SRRM1: variants seen among roughly 807,000 people sequenced by gnomAD.
The protein encoded by SRRM1 is serine and arginine repetitive matrix 1.
In SRRM1, 19 loss-of-function variants were observed where a neutral mutation model predicts 110.2. The ratio of observed to expected loss-of-function variants is 0.17; its 90% CI spans 0.12 to 0.25. The LOEUF is 0.25. Ranked by LOEUF, SRRM1 falls within the 10% of genes least tolerant of loss-of-function variation. The pLI, the probability that SRRM1 is intolerant of heterozygous loss-of-function variation, is 1.00. For missense variants in SRRM1, 918 were observed against 1,145.8 expected, an observed-to-expected ratio of 0.80 and a Z score of 2.87; for synonymous variants, 443 against 414.9, an observed-to-expected ratio of 1.07 and a Z score of -0.82.
Position 24,654,948 on chromosome 1 carries a change from A to G in SRRM1, c.1134A>G (p.Thr378=), listed in dbSNP as rs56097146. 44,118 of 1,614,178 alleles carry G rather than the reference A, an allele frequency of 0.027. 800 individuals are homozygous for G. Among genetic ancestry groups the G allele is most frequent in the Middle Eastern group, 0.094 (567 of 6,062 alleles). The change falls in exon 9 of 17, where the codon ACA becomes ACG. Residue 378 remains threonine (T), a synonymous_variant. Transcript: ENST00000323848. ...CACCAAAGAAGCCTCCCAAGAGGAC[A>G]TCCAGCCCCCCTCGGAAAACTCGTA... ...RSPPKKPPKR[T]SSPPRKTRRL...
intron 11 of SRRM1, among the ~76,000 whole-genome samples, chr1:24,661,984 G>A (rs1667484407): frequency 6.6e-6 from 1 of 152,104 alleles, no homozygotes; most frequent in Non-Finnish European, 1.5e-5. Flanking sequence ...TACTTGGGAG[G>A]CCCAGGCAGG....
intron 14 of SRRM1, 69 bp downstream of exon 14, chr1:24,669,656 A>C: frequency 8.5e-7 from 1 of 1,174,556 alleles, no homozygotes; most frequent in Non-Finnish European, 1.2e-6. Flanking sequence ...GCTTCCCCCC[A>C]CCCCCATATA....
chr1:24,663,914 TA>T (rs1553175091), intron 12 of SRRM1, among the ~76,000 whole-genome samples: 1 of 120,088 alleles, frequency 8.3e-6, no homozygotes, highest in African/African-American at 3.1e-5. Flanking sequence ...ATAATAATAA[TA>T]AATAAAAGCG....
intron 1 of SRRM1, chr1:24,643,720 G>A: frequency 3.5e-6 from 1 of 288,892 alleles, no homozygotes; most frequent in Non-Finnish European, 6.4e-6. Context: ...GGAGGCCAAA[G>A]GAAAGCCCTA....
In SRRM1 at chr1:24,654,931, A is replaced by C. The variant is rs1332096967; in HGVS notation, c.1117A>C (p.Lys373Gln). 3 of 1,614,090 alleles carry C rather than the reference A, an allele frequency of 1.9e-6. No individual in the cohort carries two copies. The highest frequency in any genetic ancestry group is 2.5e-6 in the Non-Finnish European group (3 of 1,180,050). The change falls in exon 9 of 17, where the codon AAG becomes CAG. Residue 373 changes from lysine (K) to glutamine (Q), a missense_variant. Coordinates refer to ENST00000323848, the MANE Select transcript of SRRM1 (RefSeq NM_005839.4). ...ATCTCGTTCACGGTCACCACCAAAG[A>C]AGCCTCCCAAGAGGACATCCAGCCC... ...SSSRSRSPPK[K>Q]PPKRTSSPPR...
At chr1:24,656,417 T>G (rs899558308) in intron 9 of SRRM1, among the ~76,000 whole-genome samples, 1 of 152,218 alleles carries the variant, frequency 6.6e-6, no homozygotes, top group African/African-American at 2.4e-5. Context: ...TGTTGGCCCC[T>G]TAGAGAAGCA....
intron 5 of SRRM1, 87 bp downstream of exon 5, chr1:24,650,173 C>G: frequency 7.8e-7 from 1 of 1,281,360 alleles, no homozygotes. Flanking sequence ...TCTAACAGCG[C>G]TATTCAAGGA....
chr1:24,646,925 T>C, intron 3 of SRRM1, 136 bp downstream of exon 3: 1 of 691,348 alleles, frequency 1.4e-6, no homozygotes, highest in Non-Finnish European at 2.2e-6. Context: ...ATTCACTTTG[T>C]AAACAACTAT....
Position 24,648,957 on chromosome 1 carries a change from T to C in SRRM1, c.333T>C (p.Ser111=). ...GAGAACTGTGGCCCCTGCTGCTAAG[T>C]GCACAAGAAAACATCGCGGGAATCC... ...FMGELWPLLL[S]AQENIAGIPS... Residue 111 remains serine, a synonymous_variant, in exon 4 of 17, where the codon AGT becomes AGC. Coordinates refer to ENST00000323848, the MANE Select transcript of SRRM1 (RefSeq NM_005839.4). The C allele has an allele frequency of 6.2e-7, 1 of 1,613,972 alleles. No individual in the cohort carries two copies. Among genetic ancestry groups the C allele is most frequent in the East Asian group, 2.2e-5 (1 of 44,882 alleles).
chr1:24,660,805 TTTG>T lies in SRRM1; in HGVS notation c.1396+12_1396+14del. 6.4e-7 allele frequency: 1 copy of T among 1,565,908 alleles called. No individual in the cohort carries two copies. The highest frequency in any genetic ancestry group is 8.6e-7 in the Non-Finnish European group (1 of 1,159,640). ...AGTAGAGTTATCTGAATCGGGTAAG[TTTG>T]TTGTTTTTTTTTGTGATTTTGGTTT... On this transcript the variant is annotated splice_region_variant and intron_variant, in intron 10 of 16. Coordinates refer to ENST00000323848, the MANE Select transcript of SRRM1 (RefSeq NM_005839.4).
rs1671904632 is a variant in SRRM1, at chr1:24,669,952, T to C, written c.2205-168T>C. ...GAGGATTATGGGGCTTTAGCCACCC[T>C]CTGGGAAACATAGGTAATGTAAATT... On this transcript the variant is annotated intron_variant, in intron 14 of 16. Transcript: ENST00000323848. The C allele has an allele frequency of 1.2e-5, 8 of 669,936 alleles. No individual in the cohort carries two copies. The South Asian group carries it at 1.7e-4, about 15-fold the overall frequency. 41.5% of individuals were successfully genotyped at this position (669,936 alleles called of 1,614,324 possible).
At chr1:24,652,220 CAG>C (rs1443263169) in intron 6 of SRRM1, among the ~76,000 whole-genome samples, 1 of 150,176 alleles carries the variant, frequency 6.7e-6, no homozygotes, top group Non-Finnish European at 1.5e-5. Flanking sequence ...GACCCTGTCT[CAG>C]AAGAAGAAAA....
chr1:24,656,020 A>G (rs1308832483), intron 9 of SRRM1, among the ~76,000 whole-genome samples: 1 of 152,170 alleles, frequency 6.6e-6, no homozygotes, highest in East Asian at 1.9e-4. Flanking sequence ...CAGGAAGATC[A>G]CTTGATCCCA....
intron 3 of SRRM1, 81 bp downstream of exon 3, chr1:24,646,870 G>C: frequency 1.7e-6 from 2 of 1,158,702 alleles, no homozygotes; most frequent in Non-Finnish European, 2.4e-6. Flanking sequence ...TTTCTATGGA[G>C]TGCAAATATA....
At chr1:24,664,527 A>G (rs897769596) in intron 12 of SRRM1, among the ~76,000 whole-genome samples, 1 of 152,180 alleles carries the variant, frequency 6.6e-6, no homozygotes, top group Admixed American at 6.5e-5. Context: ...CTTAGCTGCC[A>G]CTGAATTTTG....
intron 12 of SRRM1, chr1:24,666,498 A>T: frequency 4.0e-6 from 1 of 253,158 alleles, no homozygotes; most frequent in Non-Finnish European, 7.7e-6. Flanking sequence ...GTGGTAACTC[A>T]CACCTATAAT....
chr1:24,661,191 T>C (rs1184827273), intron 10 of SRRM1, 119 bp from the exon 11 acceptor site: 2 of 633,878 alleles, frequency 3.2e-6, no homozygotes, highest in Non-Finnish European at 2.8e-6. Flanking sequence ...AAAAAATATA[T>C]AGTAGTTGTA....
intron 9 of SRRM1, among the ~76,000 whole-genome samples, chr1:24,659,142 C>T (rs1244692396): frequency 2.6e-5 from 4 of 151,160 alleles, no homozygotes; most frequent in East Asian, 1.9e-4. Context: ...TGCAGTGAGC[C>T]GAGATCATGC....
intron 8 of SRRM1, chr1:24,654,227 T>A: frequency 2.6e-6 from 3 of 1,135,364 alleles, no homozygotes; most frequent in Non-Finnish European, 3.5e-6. Flanking sequence ...CATTTAGCAG[T>A]CAATATTTTA....
Sources: allele counts gnomAD v4.1 joint callset (sites outside exome capture counted in the v4.1 genomes callset), GRCh38; gene constraint gnomAD v4.1.1; transcripts MANE v1.5; gene names NCBI Gene and HGNC (gene_info 2026-07-23, HGNC 2026-07-21).